CD226: variants seen among roughly 807,000 people sequenced by gnomAD.
CD226 encodes the protein CD226 molecule, also known as CD226 antigen.
In CD226, 24 loss-of-function variants were observed where a neutral mutation model predicts 34.9. The ratio of observed to expected loss-of-function variants is 0.69; its 90% CI spans 0.50 to 0.97. The LOEUF is 0.97. Among genes scored for constraint, CD226 ranks in the 50% least tolerant of loss-of-function variants. The pLI is 0.00. For synonymous variants in CD226, 148 were observed against 147.4 expected (o/e 1.00, Z -0.03); for missense variants, 397 against 412.7 (o/e 0.96, Z 0.33).
At chr18:69,898,280 C>T (rs1018726342) in intron 2 of CD226, among the ~76,000 whole-genome samples, 10 of 152,146 alleles carry the variant, frequency 6.6e-5, no homozygotes, top group Non-Finnish European at 1.5e-4. Flanking sequence ...AGCGTGAATG[C>T]GTGTCCTCAG....
At chr18:69,927,100 C>A (rs1568197090) in intron 2 of CD226, among the ~76,000 whole-genome samples, 1 of 152,044 alleles carries the variant, frequency 6.6e-6, no homozygotes, top group African/African-American at 2.4e-5. Context: ...ATCATTAAGT[C>A]TTGAGAATTC....
chr18:69,942,519 G>GCA (rs1014242647), intron 2 of CD226, among the ~76,000 whole-genome samples: 55 of 152,306 alleles, frequency 3.6e-4, no homozygotes, highest in African/African-American at 8.9e-4. Context: ...ATTCCATTAG[G>GCA]CACATCAATA....
intron 2 of CD226, among the ~76,000 whole-genome samples, chr18:69,943,811 G>A (rs1286025727): frequency 6.6e-6 from 1 of 152,160 alleles, no homozygotes; most frequent in Non-Finnish European, 1.5e-5. Context: ...GAGATTCAAG[G>A]AGGAAGTCTA....
intron 3 of CD226, among the ~76,000 whole-genome samples, chr18:69,889,408 C>T (rs1475773433): frequency 1.3e-5 from 2 of 151,698 alleles, no homozygotes; most frequent in African/African-American, 4.8e-5. Context: ...CCAGTTCAGA[C>T]AATCCTCATG....
chr18:69,939,501 T>C (rs989957954), intron 2 of CD226, among the ~76,000 whole-genome samples: 2 of 152,200 alleles, frequency 1.3e-5, no homozygotes, highest in African/African-American at 4.8e-5. Flanking sequence ...GCTTTTCGGT[T>C]CTACTGTTGA....
chr18:69,880,784 T>C, intron 3 of CD226, among the ~76,000 whole-genome samples: 1 of 151,700 alleles, frequency 6.6e-6, no homozygotes, highest in Non-Finnish European at 1.5e-5. Context: ...CCTGAGTAGC[T>C]GGGACTACAG....
chr18:69,910,339 G>T (rs1384635862), intron 2 of CD226, among the ~76,000 whole-genome samples: 1 of 152,156 alleles, frequency 6.6e-6, no homozygotes, highest in Non-Finnish European at 1.5e-5. Context: ...GACGCTGCGT[G>T]GATATGAGGT....
chr18:69,950,066 TCA>T (rs1163686418), upstream of CD226, among the ~76,000 whole-genome samples: 3 of 150,582 alleles, frequency 2.0e-5, no homozygotes, highest in African/African-American at 4.9e-5. Context: ...ATACATGCAC[TCA>T]CACACATGCA....
chr18:69,872,172 G>A (rs992330459), intron 4 of CD226, among the ~76,000 whole-genome samples: 1 of 151,774 alleles, frequency 6.6e-6, no homozygotes, highest in Non-Finnish European at 1.5e-5. Context: ...AAGTATCTAT[G>A]ATATGCCAGA....
At chr18:69,960,943 G>A (rs533016276), upstream of CD226, among the ~76,000 whole-genome samples, 1 of 152,204 alleles carries the variant, frequency 6.6e-6, no homozygotes, top group South Asian at 2.1e-4. Flanking sequence ...ATATTCTGGA[G>A]GTTTTAACTA....
chr18:69,872,091 G>T (rs73970291), intron 4 of CD226, among the ~76,000 whole-genome samples: 43 of 93,728 alleles, frequency 4.6e-4, no homozygotes, highest in African/African-American at 5.9e-4. Context: ...TGTGTGTGTG[G>T]TGCATTTGGT....
intron 3 of CD226, among the ~76,000 whole-genome samples, chr18:69,877,738 T>C (rs557235951): frequency 6.6e-6 from 1 of 152,352 alleles, no homozygotes; most frequent in East Asian, 1.9e-4. Context: ...AACCTATAGA[T>C]CTGCATATCC....
intron 2 of CD226, among the ~76,000 whole-genome samples, chr18:69,934,542 T>C (rs1482035559): frequency 2.0e-5 from 3 of 152,246 alleles, no homozygotes; most frequent in Admixed American, 6.5e-5. Context: ...TGTGCAGATA[T>C]GATGCACATA....
At chr18:69,889,981 C>T (rs528299493) in intron 3 of CD226, among the ~76,000 whole-genome samples, 1 of 152,252 alleles carries the variant, frequency 6.6e-6, no homozygotes, top group African/African-American at 2.4e-5. Context: ...ATAGCCCTAT[C>T]TGAAAGTTAT....
At chr18:69,932,346 A>T (rs1457854037) in intron 2 of CD226, among the ~76,000 whole-genome samples, 1 of 152,206 alleles carries the variant, frequency 6.6e-6, no homozygotes, top group Non-Finnish European at 1.5e-5. Context: ...ACTAGAGGGA[A>T]GTAAAGCTCC....
intron 2 of CD226, among the ~76,000 whole-genome samples, chr18:69,913,703 A>G (rs1377660907): frequency 6.6e-6 from 1 of 152,210 alleles, no homozygotes; most frequent in Non-Finnish European, 1.5e-5. Context: ...AAGTCTCTGC[A>G]GGATGGACCT....
At chr18:69,878,167 C>T (rs964560018) in intron 3 of CD226, among the ~76,000 whole-genome samples, 4 of 152,124 alleles carry the variant, frequency 2.6e-5, no homozygotes, top group African/African-American at 4.8e-5. Context: ...AAAAAGGAAG[C>T]CCTTTTCTTT....
Position 69,859,967 on chromosome 18 carries a change from G to A in CD226, c.*4347C>T, listed in dbSNP as rs1982731478. 1 of 152,222 alleles carries A rather than the reference G, an allele frequency of 6.6e-6. No homozygotes were observed. The highest frequency in any genetic ancestry group is 1.5e-5 in the Non-Finnish European group (1 of 68,076). 9.4% of individuals were successfully genotyped at this position (152,222 alleles called of 1,614,324 possible). On this transcript the variant is annotated 3_prime_UTR_variant, in exon 6 of 6. Transcript: ENST00000582621. ...TATGCCTGTAATCCCAGCTATTCAGGAGGCTGAGGCAGGAGAATCACTTGA... is the reference window on the plus strand; with the variant it reads ...TATGCCTGTAATCCCAGCTATTCAGAAGGCTGAGGCAGGAGAATCACTTGA...
intron 2 of CD226, among the ~76,000 whole-genome samples, chr18:69,935,404 A>G (rs2055640345): frequency 6.6e-6 from 1 of 152,188 alleles, no homozygotes; most frequent in African/African-American, 2.4e-5. Context: ...TGAAGTGAGG[A>G]ATTTTTTAAA....
Sources: allele counts gnomAD v4.1 joint callset (sites outside exome capture counted in the v4.1 genomes callset), GRCh38; gene constraint gnomAD v4.1.1; transcripts MANE v1.5; gene names NCBI Gene and HGNC (gene_info 2026-07-23, HGNC 2026-07-21).